SEC24B: variants seen among roughly 807,000 people sequenced by gnomAD.
SEC24B encodes the protein protein transport protein Sec24B.
In SEC24B, 45 loss-of-function variants were observed where a neutral mutation model predicts 142.8. That is an observed-to-expected ratio of 0.32 (90% confidence interval 0.25 to 0.40). The LOEUF (loss-of-function observed/expected upper bound fraction) is 0.40. Ranked by LOEUF, SEC24B falls within the 10% of genes least tolerant of loss-of-function variation. The pLI, the probability that SEC24B is intolerant of heterozygous loss-of-function variation, is 1.00. For synonymous variants in SEC24B, 574 were observed against 568.2 expected (o/e 1.01, Z -0.15); for missense variants, 1,409 against 1,526.8 (o/e 0.92, Z 1.29).
intron 10 of SEC24B, 142 bp from the exon 11 acceptor site, chr4:109,516,386 A>T (rs1037078321): frequency 3.5e-6 from 2 of 570,188 alleles, no homozygotes; most frequent in Non-Finnish European, 6.1e-6. Context: ...TATCATTTTC[A>T]TGAGCACATA....
chr4:109,440,560 T>C (rs554770071), intron 1 of SEC24B, among the ~76,000 whole-genome samples: 1 of 152,316 alleles, frequency 6.6e-6, no homozygotes, highest in Admixed American at 6.5e-5. Context: ...ATAGCCCAAA[T>C]TTTTGTGGAG....
chr4:109,527,977 G>A (rs1578993349), intron 18 of SEC24B, among the ~76,000 whole-genome samples: 1 of 152,042 alleles, frequency 6.6e-6, no homozygotes, highest in Non-Finnish European at 1.5e-5. Flanking sequence ...AATAATATAT[G>A]CACAATCCAT....
chr4:109,469,882 T>C (rs143791595), intron 2 of SEC24B, among the ~76,000 whole-genome samples: 1 of 152,322 alleles, frequency 6.6e-6, no homozygotes, highest in African/African-American at 2.4e-5. Context: ...AAAAAATGTA[T>C]ATGCTTACAG....
intron 10 of SEC24B, 38 bp from the exon 11 acceptor site, chr4:109,516,490 A>C: frequency 1.6e-6 from 2 of 1,241,720 alleles, no homozygotes; most frequent in Non-Finnish European, 2.3e-6. Context: ...AATAAATTGT[A>C]CCTACCAAAT....
At chr4:109,534,035 A>C (rs936673073) in intron 22 of SEC24B, among the ~76,000 whole-genome samples, 4 of 151,196 alleles carry the variant, frequency 2.6e-5, no homozygotes, top group Non-Finnish European at 5.9e-5. Context: ...GTTGTAGCTT[A>C]TATTAGTAGT....
At chr4:109,533,787 A>AT in intron 22 of SEC24B, 102 bp downstream of exon 22, 1 of 792,252 alleles carries the variant, frequency 1.3e-6, no homozygotes, top group East Asian at 2.5e-5. Context: ...CAATTCAGTA[A>AT]TTTTTGGTAT....
At chr4:109,480,071 ACTG>A (rs1733577858) in intron 3 of SEC24B, among the ~76,000 whole-genome samples, 1 of 152,118 alleles carries the variant, frequency 6.6e-6, no homozygotes, top group African/African-American at 2.4e-5. Context: ...AATTTGGGAT[ACTG>A]CTATTTTACC....
chr4:109,457,050 T>C (rs1730760295), intron 1 of SEC24B, among the ~76,000 whole-genome samples: 1 of 152,200 alleles, frequency 6.6e-6, no homozygotes, highest in East Asian at 1.9e-4. Context: ...ATTAGTATAA[T>C]TGTCAACACA....
chr4:109,513,052 G>A (rs1480888772), intron 9 of SEC24B, among the ~76,000 whole-genome samples: 1 of 143,726 alleles, frequency 7.0e-6, no homozygotes, highest in Non-Finnish European at 1.5e-5. Context: ...TCAGCTCACT[G>A]CAACCTCCAC....
chr4:109,536,558 C>T (rs1447987780), intron 22 of SEC24B, among the ~76,000 whole-genome samples: 1 of 152,150 alleles, frequency 6.6e-6, no homozygotes, highest in African/African-American at 2.4e-5. Flanking sequence ...GAGATGGAGT[C>T]TCACTCTGTC....
At chr4:109,516,048 C>CA (rs34333431) in intron 10 of SEC24B, among the ~76,000 whole-genome samples, 11,295 of 151,254 alleles carry the variant, frequency 0.075, 516 homozygotes, top group Middle Eastern at 0.18. Flanking sequence ...ACTCTGTCTC[C>CA]AAAAAAAAGA....
chr4:109,524,666 T>C, intron 14 of SEC24B, 152 bp from the exon 15 acceptor site: 1 of 537,500 alleles, frequency 1.9e-6, no homozygotes, highest in East Asian at 3.2e-5. Flanking sequence ...TCTATCATTA[T>C]TATTATCATA....
In SEC24B at chr4:109,449,182, A is replaced by C. The variant is rs139831837; in HGVS notation, c.134-13719A>C. Among the ~76,000 whole-genome samples the C allele has an allele frequency of 4.6e-5, 7 of 152,224 alleles. No homozygotes were observed. The East Asian group carries it at 1.4e-3, about 29-fold the overall frequency. ...CTTGGTTAAGAGGGTTGTCTTAGCT[A>C]GGTTGCTATATTGAAACATCATTGA... On this transcript the variant is annotated intron_variant, in intron 1 of 23. Transcript: ENST00000265175.
chr4:109,522,057 GT>G (rs70949095), intron 14 of SEC24B, among the ~76,000 whole-genome samples: 23,941 of 126,798 alleles, frequency 0.19, 2,113 homozygotes, highest in Middle Eastern at 0.31. Flanking sequence ...TTTTGTTTTT[GT>G]TTTTTTTTTT....
At chr4:109,517,087 TGTC>T (rs1158821728) in intron 11 of SEC24B, among the ~76,000 whole-genome samples, 1 of 152,178 alleles carries the variant, frequency 6.6e-6, no homozygotes, top group African/African-American at 2.4e-5. Flanking sequence ...TTAATACAAT[TGTC>T]GTATGATCCA....
In SEC24B at chr4:109,540,661, T is replaced by G. The variant is rs1279552433; in HGVS notation, c.*986T>G. On this transcript the variant is annotated 3_prime_UTR_variant, in exon 24 of 24. Transcript: ENST00000265175. The stretch of plus-strand genomic sequence containing the variant: ...GCTTTGGGAGGCCAAGGTGGGCAGA[T>G]GACTTGAGGTCAGGTGTTCATGACC... 1 of 152,216 alleles carries G rather than the reference T, an allele frequency of 6.6e-6. No individual in the cohort carries two copies. The highest frequency in any genetic ancestry group is 2.4e-5 in the African/African-American group (1 of 41,442). 9.4% of individuals were successfully genotyped at this position (152,216 alleles called of 1,614,324 possible).
At position 109,446,050 on chromosome 4, in the gene SEC24B, A is replaced by G. The variant is rs192456827; in HGVS notation, c.133+12048A>G. Among the ~76,000 whole-genome samples, 189 of 151,836 alleles carry G rather than the reference A, an allele frequency of 1.2e-3. 1 individual carries two copies. In the Middle Eastern group the frequency reaches 0.034, roughly 28 times the overall value. ...GTGGAATTCTAAACTTGCTTTCCAT[A>G]AAGTGAAATCATAATATAGTTGTGT... On this transcript the variant is annotated intron_variant, in intron 1 of 23. Transcript: ENST00000265175.
At chr4:109,483,758 A>C (rs980599181) in intron 4 of SEC24B, among the ~76,000 whole-genome samples, 2 of 152,210 alleles carry the variant, frequency 1.3e-5, no homozygotes, top group Non-Finnish European at 2.9e-5. Context: ...TCTTACTCTA[A>C]ATACGTAAGT....
chr4:109,471,939 A>T (rs569605941), intron 2 of SEC24B, among the ~76,000 whole-genome samples: 1 of 152,308 alleles, frequency 6.6e-6, no homozygotes, highest in Admixed American at 6.5e-5. Flanking sequence ...CTCCATATTG[A>T]TGAAAGGAAC....
Sources: allele counts gnomAD v4.1 joint callset (sites outside exome capture counted in the v4.1 genomes callset), GRCh38; gene constraint gnomAD v4.1.1; transcripts MANE v1.5; gene names NCBI Gene and HGNC (gene_info 2026-07-23, HGNC 2026-07-21).